PCSK5: variants seen among roughly 807,000 people sequenced by gnomAD.
PCSK5 encodes the protein prohormone convertase 5.
PCSK5 carries 129 observed loss-of-function variants against 233.2 expected under a neutral mutation model. The observed-to-expected ratio is 0.55, with a 90% CI of 0.48 to 0.64. The LOEUF is 0.64. PCSK5 is among the 30% of genes least tolerant of loss of function. PCSK5 has a pLI of 0.00. For synonymous variants in PCSK5, 825 were observed against 879.2 expected, an observed-to-expected ratio of 0.94 and a Z score of 1.09; for missense variants, 2,076 against 2,430.1, an observed-to-expected ratio of 0.85 and a Z score of 3.06.
intron 20 of PCSK5, among the ~76,000 whole-genome samples, chr9:76,220,561 T>C (rs1825696558): frequency 6.6e-6 from 1 of 150,394 alleles, no homozygotes; most frequent in Non-Finnish European, 1.5e-5. Flanking sequence ...CACTCAGGTC[T>C]TTTACCTCCA....
At chr9:75,942,556 G>A (rs1317929106) in intron 2 of PCSK5, among the ~76,000 whole-genome samples, 4 of 152,172 alleles carry the variant, frequency 2.6e-5, no homozygotes, top group Non-Finnish European at 5.9e-5. Flanking sequence ...ACAGGCTCAG[G>A]TCTTGCAAGT....
At chr9:76,292,306 A>C in intron 25 of PCSK5, 31 bp downstream of exon 25, 1 of 1,405,242 alleles carries the variant, frequency 7.1e-7, no homozygotes, top group African/African-American at 1.4e-5. Context: ...CATGGCACTA[A>C]CTTTTCTGCA....
chr9:76,113,928 T>C (rs1371557906), intron 9 of PCSK5, among the ~76,000 whole-genome samples: 1 of 152,118 alleles, frequency 6.6e-6, no homozygotes, highest in African/African-American at 2.4e-5. Flanking sequence ...GCTTTTCCTT[T>C]TAAGAGAGTT....
intron 6 of PCSK5, among the ~76,000 whole-genome samples, chr9:76,069,589 T>C (rs1830410706): frequency 6.6e-6 from 1 of 152,222 alleles, no homozygotes; most frequent in Non-Finnish European, 1.5e-5. Context: ...CAGCCTTTTA[T>C]CTTTAAACTT....
At chr9:75,981,543 G>A (rs1391945592) in intron 2 of PCSK5, among the ~76,000 whole-genome samples, 1 of 152,044 alleles carries the variant, frequency 6.6e-6, no homozygotes, top group East Asian at 1.9e-4. Flanking sequence ...GAAATACATT[G>A]TGATTTAGAC....
intron 5 of PCSK5, among the ~76,000 whole-genome samples, chr9:76,063,283 C>T (rs909534173): frequency 6.8e-6 from 1 of 147,228 alleles, no homozygotes; most frequent in Non-Finnish European, 1.5e-5. Flanking sequence ...AACAGGTGTG[C>T]ACCACCACAC....
At chr9:76,152,399 C>T (rs768549974) in intron 10 of PCSK5, among the ~76,000 whole-genome samples, 4 of 152,244 alleles carry the variant, frequency 2.6e-5, no homozygotes, top group South Asian at 4.1e-4. Context: ...TGCATTTTTT[C>T]AGGTATAGGC....
intron 13 of PCSK5, among the ~76,000 whole-genome samples, chr9:76,170,514 G>C (rs1823286794): frequency 6.6e-6 from 1 of 152,226 alleles, no homozygotes; most frequent in African/African-American, 2.4e-5. Context: ...AACATGGGGT[G>C]AGAGACTGTG....
chr9:76,139,750 G>A (rs1206420181), intron 10 of PCSK5, among the ~76,000 whole-genome samples: 1 of 150,422 alleles, frequency 6.6e-6, no homozygotes, highest in East Asian at 2.0e-4. Context: ...TTGTGTAGAT[G>A]AGCTTATCTT....
At chr9:76,203,559 T>C (rs951224419) in intron 20 of PCSK5, among the ~76,000 whole-genome samples, 2 of 151,742 alleles carry the variant, frequency 1.3e-5, no homozygotes, top group Non-Finnish European at 2.9e-5. Context: ...CCGAGGAACT[T>C]GCAACAGACC....
chr9:76,323,011 C>CT lies in PCSK5; in HGVS notation c.4103-40dup, dbSNP rs1294519291. ...ACTGCAGACAATGAATTCCTTTCTC[C>CT]TACCCCCCGGGGATAACTTGCTGCT... is the stretch of plus-strand genomic sequence containing the variant. On this transcript the variant is annotated intron_variant, in intron 31 of 37. Transcript: ENST00000674117. 5.3e-6 allele frequency: 6 copies of CT among 1,122,628 alleles called. No individual in the cohort carries two copies. The African/African-American group carries it at 7.1e-5, about 13-fold the overall frequency. 69.5% of individuals were successfully genotyped at this position (1,122,628 alleles called of 1,614,324 possible).
At chr9:76,232,949 A>G (rs1314176696) in intron 21 of PCSK5, among the ~76,000 whole-genome samples, 1 of 152,214 alleles carries the variant, frequency 6.6e-6, no homozygotes, top group East Asian at 1.9e-4. Context: ...ATTACTTGCA[A>G]TATACACAGG....
intron 9 of PCSK5, among the ~76,000 whole-genome samples, chr9:76,110,033 AC>A (rs1832146652): frequency 6.6e-6 from 1 of 152,052 alleles, no homozygotes; most frequent in African/African-American, 2.4e-5. Context: ...ACCCAGCCCC[AC>A]CCCTTGCAAT....
At chr9:76,190,569 C>T (rs945531713) in intron 20 of PCSK5, among the ~76,000 whole-genome samples, 46 of 136,624 alleles carry the variant, frequency 3.4e-4, no homozygotes, top group Admixed American at 1.5e-3. Flanking sequence ...TTAATAGCAG[C>T]ATAAAATTCA....
chr9:76,115,892 A>G (rs1158433810), intron 9 of PCSK5, among the ~76,000 whole-genome samples: 1 of 152,106 alleles, frequency 6.6e-6, no homozygotes, highest in African/African-American at 2.4e-5. Context: ...GATCTAGCCT[A>G]TGGCTACATT....
chr9:76,265,206 G>A (rs1221200681), intron 24 of PCSK5, among the ~76,000 whole-genome samples: 6 of 151,898 alleles, frequency 4.0e-5, no homozygotes, highest in Non-Finnish European at 7.4e-5. Flanking sequence ...ACTAAACATG[G>A]GGTACTCATG....
chr9:75,988,975 G>A (rs1409241979), intron 3 of PCSK5, among the ~76,000 whole-genome samples: 1 of 152,202 alleles, frequency 6.6e-6, no homozygotes, highest in Non-Finnish European at 1.5e-5. Context: ...GAAACACTTG[G>A]CAGAATGGTG....
chr9:76,142,668 T>C (rs1384424367), intron 10 of PCSK5, among the ~76,000 whole-genome samples: 1 of 152,194 alleles, frequency 6.6e-6, no homozygotes, highest in Non-Finnish European at 1.5e-5. Context: ...TTTTGTAAGA[T>C]AAGAATCCAG....
chr9:76,273,576 C>T (rs10781355), intron 24 of PCSK5, among the ~76,000 whole-genome samples: 28,226 of 116,548 alleles, frequency 0.24, 3,596 homozygotes, highest in East Asian at 0.43. Context: ...TATATATATA[C>T]ATATATATAT....
Sources: allele counts gnomAD v4.1 joint callset (sites outside exome capture counted in the v4.1 genomes callset), GRCh38; gene constraint gnomAD v4.1.1; transcripts MANE v1.5; gene names NCBI Gene and HGNC (gene_info 2026-07-23, HGNC 2026-07-21).